Variants in OSBPL11 observed in about 807,000 individuals in gnomAD.
OSBPL11 encodes oxysterol binding protein like 11.
Under a neutral mutation model 84.4 loss-of-function variants are expected in OSBPL11, and 33 were observed. That is an observed-to-expected ratio of 0.39 (90% CI 0.30 to 0.52). The LOEUF is 0.52. Ranked by LOEUF, OSBPL11 falls within the 20% of genes least tolerant of loss-of-function variation. The pLI, the probability that OSBPL11 is intolerant of heterozygous loss-of-function variation, is 0.72. For missense variants in OSBPL11, 736 were observed against 901.1 expected, an observed-to-expected ratio of 0.82 and a Z score of 2.35; for synonymous variants, 276 against 310.2, an observed-to-expected ratio of 0.89 and a Z score of 1.16.
At chr3:125,587,476 C>T (rs1559849017) in intron 1 of OSBPL11, among the ~76,000 whole-genome samples, 1 of 152,122 alleles carries the variant, frequency 6.6e-6, no homozygotes. Flanking sequence ...TAAATAAGGT[C>T]ACTCAGGAAG....
intron 4 of OSBPL11, 26 bp from the exon 5 acceptor site, chr3:125,576,391 TTTG>T: frequency 6.6e-7 from 1 of 1,520,102 alleles, no homozygotes; most frequent in South Asian, 1.3e-5. Flanking sequence ...AATCATTCCT[TTTG>T]TTTTCTTCTT....
chr3:125,549,762 C>T (rs531729489), intron 9 of OSBPL11, among the ~76,000 whole-genome samples: 175 of 152,280 alleles, frequency 1.1e-3, no homozygotes, highest in African/African-American at 4.0e-3. Context: ...GTTGAGATTA[C>T]AGGTGTGAGC....
rs374075549 is a variant in OSBPL11 at position 125,561,737 on chromosome 3, C to T, written c.1015-1218G>A. On this transcript the variant is annotated intron_variant, in intron 7 of 12. Coordinates refer to ENST00000296220, the MANE Select transcript of OSBPL11 (RefSeq NM_022776.5). ...CACTGCATTCTATGGAGCAGTGCTC[C>T]TGGAAGCTTCATTCCACAGAGTACA... 3.9e-5 allele frequency among the ~76,000 whole-genome samples: 6 copies of T among 152,310 alleles called. 1 individual carries two copies. The highest frequency in any genetic ancestry group is 6.5e-5 in the Admixed American group (1 of 15,290).
At chr3:125,559,954 T>A (rs901826597) in intron 8 of OSBPL11, among the ~76,000 whole-genome samples, 1 of 149,240 alleles carries the variant, frequency 6.7e-6, no homozygotes, top group Non-Finnish European at 1.5e-5. Flanking sequence ...TCATAAAAAA[T>A]AAAAATCACA....
chr3:125,578,091 A>T (rs1440304164), intron 4 of OSBPL11, among the ~76,000 whole-genome samples: 1 of 152,224 alleles, frequency 6.6e-6, no homozygotes, highest in Non-Finnish European at 1.5e-5. Context: ...TCATGGCAGC[A>T]TTATTCATAA....
intron 7 of OSBPL11, 144 bp downstream of exon 7, chr3:125,563,554 T>G: frequency 1.3e-6 from 1 of 753,128 alleles, no homozygotes; most frequent in Non-Finnish European, 2.1e-6. Context: ...TCAAAAACAA[T>G]GCAGTTTAAA....
intron 2 of OSBPL11, among the ~76,000 whole-genome samples, chr3:125,580,357 A>T (rs1486837872): frequency 6.6e-6 from 1 of 152,024 alleles, no homozygotes; most frequent in African/African-American, 2.4e-5. Context: ...TCTACTAAAA[A>T]TACAAAATTA....
chr3:125,582,815 C>T (rs965757921), intron 2 of OSBPL11, 95 bp downstream of exon 2: 2 of 928,430 alleles, frequency 2.2e-6, no homozygotes, highest in Admixed American at 2.9e-5. Context: ...GTTTCCCAGC[C>T]ATGTCTGTCT....
chr3:125,575,259 G>A (rs1936304562), intron 5 of OSBPL11, among the ~76,000 whole-genome samples: 1 of 151,868 alleles, frequency 6.6e-6, no homozygotes, highest in African/African-American at 2.4e-5. Flanking sequence ...GAATTATTTG[G>A]TACACAGTTT....
intron 8 of OSBPL11, among the ~76,000 whole-genome samples, chr3:125,553,095 G>A (rs1935937272): frequency 6.6e-6 from 1 of 152,186 alleles, no homozygotes; most frequent in Admixed American, 6.5e-5. Context: ...CTGAGCAACA[G>A]AGTGAGACCC....
In OSBPL11 at chr3:125,540,328, CAAAAAAAAAAAAA is replaced by C. The variant is rs201858368; in HGVS notation, c.1842-1708_1842-1696del. Among the ~76,000 whole-genome samples, 92 of 85,314 alleles carry C rather than the reference CAAAAAAAAAAAAA, an allele frequency of 1.1e-3. 1 individual carries two copies. The highest frequency in any genetic ancestry group is 2.8e-3 in the East Asian group (5 of 1,772). 56.0% of individuals were successfully genotyped at this position (85,314 alleles called of 152,430 possible). Reference sequence around the variant, plus strand: ...TGGGCGACAGAGGATGGCTCTGTCTCAAAAAAAAAAAAAAAAAAAAAAAAAAAAAAGAGTAGTT... The same window carrying C: ...TGGGCGACAGAGGATGGCTCTGTCTCAAAAAAAAAAAAAAAAAGAGTAGTT... On this transcript the variant is annotated intron_variant, in intron 10 of 12. Coordinates refer to ENST00000296220, the MANE Select transcript of OSBPL11 (RefSeq NM_022776.5).
Position 125,538,523 on chromosome 3 carries a change from A to G in OSBPL11, c.1952T>C (p.Val651Ala), listed in dbSNP as rs781465280. 4 of 1,614,198 alleles carry G rather than the reference A, an allele frequency of 2.5e-6. No individual in the cohort carries two copies. Among genetic ancestry groups the G allele is most frequent in the Non-Finnish European group, 3.4e-6 (4 of 1,180,024 alleles). Reference sequence around the variant, plus strand: ...CGTCACTGCCAATTTAGTCAAGTCCACATACTTTGTCTCTCCATTGCTATA... The same window carrying G: ...CGTCACTGCCAATTTAGTCAAGTCCGCATACTTTGTCTCTCCATTGCTATA... ...FTYSNGETKY[V>A]DLTKLAVTKK... Residue 651 changes from valine (V) to alanine (A), a missense_variant, in exon 11 of 13, where the codon GTG becomes GCG. Transcript: ENST00000296220.
chr3:125,590,792 CA>C (rs1936584098), intron 1 of OSBPL11, among the ~76,000 whole-genome samples: 1 of 152,074 alleles, frequency 6.6e-6, no homozygotes, highest in African/African-American at 2.4e-5. Context: ...TAAAACCAAC[CA>C]TGTACCAAAC....
chr3:125,542,380 T>C (rs1160124039), intron 10 of OSBPL11, among the ~76,000 whole-genome samples: 1 of 151,758 alleles, frequency 6.6e-6, no homozygotes, highest in East Asian at 1.9e-4. Context: ...AGTGCAATGG[T>C]GCGATCTCGG....
chr3:125,567,352 T>C (rs1458473671), intron 6 of OSBPL11, 42 bp downstream of exon 6: 1 of 1,486,168 alleles, frequency 6.7e-7, no homozygotes, highest in South Asian at 1.1e-5. Flanking sequence ...TTTCCATGTG[T>C]TGGCCTTCAT....
At chr3:125,582,248 T>A (rs1936439358) in intron 2 of OSBPL11, among the ~76,000 whole-genome samples, 1 of 150,256 alleles carries the variant, frequency 6.7e-6, no homozygotes, top group South Asian at 2.1e-4. Flanking sequence ...GACAGAAGAA[T>A]CACTTGAACC....
At position 125,567,470 on chromosome 3, in the gene OSBPL11, A is replaced by C. The variant is rs1478029181; in HGVS notation, c.792T>G (p.Thr264=). The change falls in exon 6 of 13, where the codon ACT becomes ACG. Residue 264 remains threonine, a synonymous_variant. Transcript: ENST00000296220. ...GAAAGCAGTCATTTAAGCAGTTCAT[A>C]GTTGCCATGGAAGTAGCTTTGAGCA... ...LLMLKATSMA[T]MNCLNDCFHI... 1 of 1,614,168 alleles carries C rather than the reference A, an allele frequency of 6.2e-7. No individual in the cohort carries two copies. Among genetic ancestry groups the C allele is most frequent in the South Asian group, 1.1e-5 (1 of 91,084 alleles).
At chr3:125,566,117 T>C (rs1936150569) in intron 6 of OSBPL11, among the ~76,000 whole-genome samples, 1 of 152,124 alleles carries the variant, frequency 6.6e-6, no homozygotes, top group African/African-American at 2.4e-5. Context: ...GCGATTCTCC[T>C]GCCTCAGCTT....
At chr3:125,545,171 A>C (rs1471140575) in intron 10 of OSBPL11, among the ~76,000 whole-genome samples, 1 of 152,242 alleles carries the variant, frequency 6.6e-6, no homozygotes, top group African/African-American at 2.4e-5. Flanking sequence ...GAGCTACTGA[A>C]GAAGACACTG....
Sources: allele counts gnomAD v4.1 joint callset (sites outside exome capture counted in the v4.1 genomes callset), GRCh38; gene constraint gnomAD v4.1.1; transcripts MANE v1.5; gene names NCBI Gene and HGNC (gene_info 2026-07-23, HGNC 2026-07-21).